The following COL28A1 variants were observed in gnomAD, a reference collection of about 807,000 sequenced individuals.
COL28A1 encodes collagen alpha-1(XXVIII) chain.
COL28A1 carries 161 observed loss-of-function variants against 150.2 expected under a neutral mutation model. That is an observed-to-expected ratio of 1.07 (90% CI 0.94 to 1.22). The LOEUF (loss-of-function observed/expected upper bound fraction) is 1.22. Among genes scored for constraint, COL28A1 ranks in the 50% most tolerant of loss-of-function variants. The pLI is 0.00. For synonymous variants in COL28A1, 552 were observed against 469.7 expected, an observed-to-expected ratio of 1.18 and a Z score of -2.26; for missense variants, 1,617 against 1,388.3, an observed-to-expected ratio of 1.16 and a Z score of -2.62.
intron 25 of COL28A1, among the ~76,000 whole-genome samples, chr7:7,425,311 A>C (rs1406089006): frequency 6.6e-6 from 1 of 152,156 alleles, no homozygotes; most frequent in Non-Finnish European, 1.5e-5. Context: ...CAAGACGCTA[A>C]CTTTTCCATA....
chr7:7,439,865 C>T (rs955583496), intron 21 of COL28A1, among the ~76,000 whole-genome samples: 10 of 152,090 alleles, frequency 6.6e-5, no homozygotes, highest in African/African-American at 2.4e-4. Context: ...CAGGTGATAC[C>T]GATGGACACT....
At position 7,494,179 on chromosome 7, in the gene COL28A1, G is replaced by T. The variant is rs554645904; in HGVS notation, c.1027-3533C>A. On this transcript the variant is annotated intron_variant, in intron 11 of 34. Coordinates refer to ENST00000399429, the MANE Select transcript of COL28A1 (RefSeq NM_001037763.3). Reference sequence around the variant, plus strand: ...AGGAAGCCAATGTTTAATAAAACCTGCTATTTATCAGCACTGCCCAGACAT... The same window carrying T: ...AGGAAGCCAATGTTTAATAAAACCTTCTATTTATCAGCACTGCCCAGACAT... Among the ~76,000 whole-genome samples, 3 of 152,278 alleles carry T rather than the reference G, an allele frequency of 2.0e-5. No homozygotes were observed. The East Asian group carries it at 5.8e-4, about 29-fold the overall frequency.
At position 7,373,145 on chromosome 7, in the gene COL28A1, T is replaced by C; in HGVS notation, c.2761A>G (p.Asn921Asp). ...DKEKLTEVVK[N>D]ASDTNVEIFV... ...ATCTCCACATTGGTGTCACTGGCAT[T>C]CTTCACCACCTCTGTCAGTTTCTCT... Residue 921 changes from asparagine (N) to aspartate (D), a missense_variant, in exon 32 of 35, where the codon AAT becomes GAT. Transcript: ENST00000399429. This position sits in a 1 kb window ranked among gnomAD's most constrained non-coding sequence, Gnocchi z 4.1. 1 of 1,614,250 alleles carries C rather than the reference T, an allele frequency of 6.2e-7. No homozygotes were observed. The highest frequency in any genetic ancestry group is 8.5e-7 in the Non-Finnish European group (1 of 1,180,044).
At chr7:7,482,200 A>G (rs1480051838) in intron 13 of COL28A1, among the ~76,000 whole-genome samples, 1 of 152,192 alleles carries the variant, frequency 6.6e-6, no homozygotes, top group East Asian at 1.9e-4. Context: ...CCCTAAGATA[A>G]GTCTTTACCT....
chr7:7,480,228 TTG>T (rs1254476438), intron 13 of COL28A1, among the ~76,000 whole-genome samples: 12 of 152,236 alleles, frequency 7.9e-5, no homozygotes, highest in Middle Eastern at 3.2e-3. Flanking sequence ...TTTAATTTTT[TTG>T]TCTTTCCCTA....
chr7:7,475,893 T>C (rs1417440518), intron 14 of COL28A1, among the ~76,000 whole-genome samples: 1 of 152,230 alleles, frequency 6.6e-6, no homozygotes, highest in Non-Finnish European at 1.5e-5. Context: ...ATTATTTCCA[T>C]TATCATGACA....
chr7:7,539,102 C>A (rs893828976), upstream of COL28A1, among the ~76,000 whole-genome samples: 2 of 152,142 alleles, frequency 1.3e-5, no homozygotes, highest in Admixed American at 6.5e-5. Flanking sequence ...GGCATTCTCT[C>A]AACTCCTTCA....
rs142253362 is a variant in COL28A1, at chr7:7,484,166, A to T, written c.1164+5223T>A. ...CATTTATATGCATCATAATTCCTCT[A>T]CAGGAAATCTAAAGAATAAAAAAAA... is the stretch of plus-strand genomic sequence containing the variant. On this transcript the variant is annotated intron_variant, in intron 13 of 34. Coordinates refer to ENST00000399429, the MANE Select transcript of COL28A1 (RefSeq NM_001037763.3). Among the ~76,000 whole-genome samples, 143 of 152,292 alleles carry T rather than the reference A, an allele frequency of 9.4e-4. 2 individuals are homozygous for T. In the East Asian group the frequency reaches 0.022, roughly 24 times the overall value.
At chr7:7,340,208 C>T in the COL28A1 span, among the ~76,000 whole-genome samples, 312 of 152,106 alleles carry the variant, frequency 2.1e-3, 10 homozygotes, top group East Asian at 0.049. Context: ...CATGAGCTAC[C>T]ATGCCCGGCC....
intron 27 of COL28A1, among the ~76,000 whole-genome samples, chr7:7,400,000 G>A (rs1269291051): frequency 2.6e-5 from 4 of 152,204 alleles, no homozygotes. Context: ...CAATCCCTCT[G>A]TATATTTTTC....
chr7:7,366,700 CAG>C (rs1780948522), intron 33 of COL28A1, among the ~76,000 whole-genome samples: 1 of 152,002 alleles, frequency 6.6e-6, no homozygotes, highest in South Asian at 2.1e-4. Flanking sequence ...GAAGGAAGGA[CAG>C]AGTTAGGTGT....
chr7:7,476,570 A>G (rs1038236790), intron 14 of COL28A1, among the ~76,000 whole-genome samples: 8 of 152,220 alleles, frequency 5.3e-5, no homozygotes, highest in African/African-American at 1.9e-4. Context: ...CTTTACAGAA[A>G]AAGTTTGCCA....
chr7:7,482,987 G>A (rs944697760), intron 13 of COL28A1, among the ~76,000 whole-genome samples: 5 of 152,182 alleles, frequency 3.3e-5, no homozygotes, highest in African/African-American at 4.8e-5. Flanking sequence ...TTTGGCTCAC[G>A]CAATGGAAAA....
chr7:7,525,948 C>T (rs1056716005), intron 3 of COL28A1, among the ~76,000 whole-genome samples: 1 of 152,214 alleles, frequency 6.6e-6, no homozygotes, highest in African/African-American at 2.4e-5. Flanking sequence ...TCACCTACCA[C>T]CCCTCCCAAC....
downstream of COL28A1, among the ~76,000 whole-genome samples, chr7:7,355,280 G>A (rs1244594892): frequency 6.6e-6 from 1 of 152,018 alleles, no homozygotes; most frequent in Non-Finnish European, 1.5e-5. Context: ...AGCACAGAGG[G>A]TAAATAAACA....
chr7:7,417,826 A>C (rs1434345811), intron 27 of COL28A1, 33 bp downstream of exon 27: 2 of 1,575,406 alleles, frequency 1.3e-6, no homozygotes, highest in Non-Finnish European at 1.7e-6. Context: ...TGGTGAAATC[A>C]GAGGTGACTC....
intron 9 of COL28A1, among the ~76,000 whole-genome samples, chr7:7,508,910 T>C (rs1293149050): frequency 1.3e-5 from 2 of 152,146 alleles, no homozygotes; most frequent in Non-Finnish European, 2.9e-5. Context: ...CTCGGTCCAC[T>C]GCAACCTCTG....
At chr7:7,408,227 C>T (rs1437034584) in intron 27 of COL28A1, among the ~76,000 whole-genome samples, 1 of 152,048 alleles carries the variant, frequency 6.6e-6, no homozygotes, top group Non-Finnish European at 1.5e-5. Context: ...AGAATTTTTG[C>T]AAGATCAAAG....
chr7:7,482,094 G>A (rs1019891084), intron 13 of COL28A1, among the ~76,000 whole-genome samples: 1 of 152,208 alleles, frequency 6.6e-6, no homozygotes, highest in African/African-American at 2.4e-5. Context: ...TTATATTAGT[G>A]TGGTAGTGAA....
Sources: allele counts gnomAD v4.1 joint callset (sites outside exome capture counted in the v4.1 genomes callset), GRCh38; gene constraint gnomAD v4.1.1; non-coding constraint Gnocchi (gnomAD v3.1); transcripts MANE v1.5; gene names NCBI Gene and HGNC (gene_info 2026-07-23, HGNC 2026-07-21).